The following FLVCR1 variants were observed in gnomAD, a reference collection of about 807,000 sequenced individuals.
FLVCR1 encodes FLVCR choline and heme transporter 1.
FLVCR1 carries 34 observed loss-of-function variants against 53.6 expected under a neutral mutation model. That is an observed-to-expected ratio of 0.63 (90% CI 0.48 to 0.84). The LOEUF (loss-of-function observed/expected upper bound fraction) is 0.84. FLVCR1 is among the 40% of genes least tolerant of loss of function. FLVCR1 has a pLI of 0.00. For synonymous variants in FLVCR1, 300 were observed against 286.3 expected (o/e 1.05, Z -0.48); for missense variants, 677 against 696.7 (o/e 0.97, Z 0.32).
chr1:212,880,136 C>A (rs1384198682), intron 3 of FLVCR1, among the ~76,000 whole-genome samples: 1 of 152,140 alleles, frequency 6.6e-6, no homozygotes, highest in Non-Finnish European at 1.5e-5. Flanking sequence ...GCTAACCCAG[C>A]GTGGTCCACG....
At chr1:212,866,355 A>G (rs1664428833) in intron 2 of FLVCR1, among the ~76,000 whole-genome samples, 1 of 152,080 alleles carries the variant, frequency 6.6e-6, no homozygotes. Flanking sequence ...TCCTGACCTC[A>G]AATGATCTGC....
intron 1 of FLVCR1, among the ~76,000 whole-genome samples, chr1:212,861,558 G>T (rs796826222): frequency 1.3e-5 from 2 of 151,984 alleles, no homozygotes; most frequent in South Asian, 4.2e-4. Flanking sequence ...TAAATTACGT[G>T]GTCTCCCCAG....
At chr1:212,870,899 T>A (rs1664575677) in intron 2 of FLVCR1, among the ~76,000 whole-genome samples, 1 of 152,258 alleles carries the variant, frequency 6.6e-6, no homozygotes, top group Admixed American at 6.5e-5. Context: ...TAAGTAGCTG[T>A]AACTACAGGC....
rs1665408368 is a variant in FLVCR1, at chr1:212,898,993, T to G, written c.*3703T>G. On this transcript the variant is annotated 3_prime_UTR_variant, in exon 10 of 10. Coordinates refer to ENST00000366971, the MANE Select transcript of FLVCR1 (RefSeq NM_014053.4). ...GAATTTTTCAGTTCCATTATAATCT[T>G]ATAGGATCTCTGTCATATGTGGTCA... 6.6e-6 allele frequency: 1 copy of G among 152,238 alleles called. No homozygotes were observed. The highest frequency in any genetic ancestry group is 2.1e-4 in the South Asian group (1 of 4,834). The allele number at this position is 152,238 out of a possible 1,614,324, so 9.4% of individuals were successfully genotyped here.
At chr1:212,871,809 G>C (rs1165067844) in intron 2 of FLVCR1, among the ~76,000 whole-genome samples, 1 of 152,098 alleles carries the variant, frequency 6.6e-6, no homozygotes, top group Admixed American at 6.5e-5. Context: ...GTCTGCCTGG[G>C]GTGGCTGTGA....
intron 3 of FLVCR1, among the ~76,000 whole-genome samples, chr1:212,881,107 A>C (rs1343132102): frequency 6.6e-6 from 1 of 152,212 alleles, no homozygotes; most frequent in Non-Finnish European, 1.5e-5. Flanking sequence ...GTTTTGCAGA[A>C]GAGGAACTGT....
chr1:212,884,865 G>C (rs141718202), intron 4 of FLVCR1, among the ~76,000 whole-genome samples: 1 of 152,140 alleles, frequency 6.6e-6, no homozygotes, highest in Non-Finnish European at 1.5e-5. Context: ...TAATACAATG[G>C]TAAGTATTGT....
At chr1:212,866,231 C>T (rs571388535) in intron 2 of FLVCR1, among the ~76,000 whole-genome samples, 13 of 150,986 alleles carry the variant, frequency 8.6e-5, no homozygotes, top group South Asian at 4.2e-4. Flanking sequence ...GTGATCTGCC[C>T]GCCTTGGCCT....
At chr1:212,894,453 A>G (rs752806774) in intron 8 of FLVCR1, among the ~76,000 whole-genome samples, 2 of 152,106 alleles carry the variant, frequency 1.3e-5, no homozygotes, top group Non-Finnish European at 2.9e-5. Context: ...ACGCCCAGCA[A>G]TATTCACTCT....
intron 5 of FLVCR1, 164 bp downstream of exon 5, chr1:212,885,560 TTTTTTTTTG>T: frequency 2.1e-6 from 1 of 470,784 alleles, no homozygotes; most frequent in Non-Finnish European, 3.8e-6. Context: ...CTTTTTTTTT[TTTTTTTTTG>T]AGACGGAGTC....
In FLVCR1 at chr1:212,898,885, A is replaced by G. The variant is rs972604170; in HGVS notation, c.*3595A>G. 3 of 152,236 alleles carry G rather than the reference A, an allele frequency of 2.0e-5. No homozygotes were observed. Among genetic ancestry groups the G allele is most frequent in the South Asian group, 2.1e-4 (1 of 4,832 alleles). 9.4% of individuals were successfully genotyped at this position (152,236 alleles called of 1,614,324 possible). ...GAATACTGTAGGCAACTGTAACACA[A>G]TGGTATCTGTGTAATCTAAACATAG... is the stretch of plus-strand genomic sequence containing the variant. On this transcript the variant is annotated 3_prime_UTR_variant, in exon 10 of 10. Transcript: ENST00000366971.
In FLVCR1 at chr1:212,888,356, A is replaced by G. The variant is rs116088446; in HGVS notation, c.1308-133A>G. On this transcript the variant is annotated intron_variant, in intron 6 of 9. Transcript: ENST00000366971. ...GATTGGTCAATGATAATAGTTCCTT[A>G]CTTTGACATAGCAACTTCAAAATAT... is the stretch of plus-strand genomic sequence containing the variant. 1.2e-3 allele frequency: 839 copies of G among 719,934 alleles called. 5 individuals are homozygous for G. The African/African-American group carries it at 0.013, about 11-fold the overall frequency. The allele number at this position is 719,934 out of a possible 1,614,324, so 44.6% of individuals were successfully genotyped here. A position where few individuals can be genotyped will look rare whatever the true frequency, so the allele number is the denominator to read the frequency against.
At chr1:212,861,950 G>T (rs1324519323) in intron 1 of FLVCR1, among the ~76,000 whole-genome samples, 3 of 152,120 alleles carry the variant, frequency 2.0e-5, no homozygotes, top group African/African-American at 7.2e-5. Context: ...GATTACAGGT[G>T]TGAGCCACCG....
Position 212,897,229 on chromosome 1 carries a change from C to T in FLVCR1, c.*1939C>T, listed in dbSNP as rs963266509. The stretch of plus-strand genomic sequence containing the variant: ...AATAAATAAAACCTGAGGTTGAGCA[C>T]GATGGCTCACACCTATAGTCCCAGC... On this transcript the variant is annotated 3_prime_UTR_variant, in exon 10 of 10. Coordinates refer to ENST00000366971, the MANE Select transcript of FLVCR1 (RefSeq NM_014053.4). 5 of 149,202 alleles carry T rather than the reference C, an allele frequency of 3.4e-5. No individual in the cohort carries two copies. The highest frequency in any genetic ancestry group is 2.1e-4 in the South Asian group (1 of 4,714). The allele number at this position is 149,202 out of a possible 1,614,324, so 9.2% of individuals were successfully genotyped here.
At chr1:212,887,297 G>A (rs554610781) in intron 5 of FLVCR1, among the ~76,000 whole-genome samples, 54 of 152,298 alleles carry the variant, frequency 3.5e-4, no homozygotes, top group African/African-American at 1.1e-3. Flanking sequence ...AGGCATAGAT[G>A]TGTGTTCTTT....
In FLVCR1 at chr1:212,885,230, T is replaced by G; in HGVS notation, c.1093-63T>G. On this transcript the variant is annotated intron_variant, in intron 4 of 9. Coordinates refer to ENST00000366971, the MANE Select transcript of FLVCR1 (RefSeq NM_014053.4). ...CATTGACTATGAAAAGGTGTGGGAA[T>G]GTGAAGAGTCTGAATTAGTTAATCC... The G allele has an allele frequency of 2.8e-6, 3 of 1,064,810 alleles. No homozygotes were observed. The East Asian group carries it at 7.1e-5, about 25-fold the overall frequency. The allele number at this position is 1,064,810 out of a possible 1,614,324, so 66.0% of individuals were successfully genotyped here.
Position 212,858,891 on chromosome 1 carries a change from G to T in FLVCR1, c.439G>T (p.Asp147Tyr). 1 of 1,614,218 alleles carries T rather than the reference G, an allele frequency of 6.2e-7. No individual in the cohort carries two copies. Residue 147 changes from aspartate (D) to tyrosine (Y), a missense_variant, in exon 1 of 10, where the codon GAC becomes TAC. Coordinates refer to ENST00000366971, the MANE Select transcript of FLVCR1 (RefSeq NM_014053.4). ...GFYGVTLLHI[D>Y]WLSMVYMLAY... The stretch of plus-strand genomic sequence containing the variant: ...CTACGGTGTCACCTTGCTGCACATC[G>T]ACTGGCTGTCCATGGTGTACATGCT...
chr1:212,875,385 A>G (rs766613223), intron 3 of FLVCR1, among the ~76,000 whole-genome samples: 1 of 152,196 alleles, frequency 6.6e-6, no homozygotes, highest in African/African-American at 2.4e-5. Context: ...GATGGCCGGG[A>G]GAGTCTCACA....
chr1:212,872,617 T>C (rs1664631879), intron 2 of FLVCR1, 61 bp from the exon 3 acceptor site: 2 of 1,091,682 alleles, frequency 1.8e-6, no homozygotes, highest in Non-Finnish European at 2.7e-6. Context: ...CATATTGTAA[T>C]ATATAACAAC....
Sources: gnomAD v4.1 joint callset for allele counts (sites outside exome capture counted in the v4.1 genomes callset) on GRCh38, gnomAD v4.1.1 for gene constraint, MANE v1.5 for transcripts, NCBI Gene and HGNC (gene_info 2026-07-23, HGNC 2026-07-21) for gene names.